The following LRFN5 variants were observed in gnomAD, a reference collection of about 807,000 sequenced individuals.
LRFN5 encodes leucine-rich repeat and fibronectin type-III domain-containing protein 5.
Under a neutral mutation model 45.6 loss-of-function variants are expected in LRFN5, and 24 were observed. That is an observed-to-expected ratio of 0.53 (90% confidence interval 0.38 to 0.74). LRFN5 has a LOEUF of 0.74. Among genes scored for constraint, LRFN5 ranks in the 30% least tolerant of loss-of-function variants. The pLI, the probability that LRFN5 is intolerant of heterozygous loss-of-function variation, is 0.00. For missense variants in LRFN5, 776 were observed against 861.5 expected, an observed-to-expected ratio of 0.90 and a Z score of 1.24; for synonymous variants, 340 against 313.8, an observed-to-expected ratio of 1.08 and a Z score of -0.88.
At chr14:41,727,260 G>T (rs1244495926) in intron 1 of LRFN5, among the ~76,000 whole-genome samples, 1 of 152,150 alleles carries the variant, frequency 6.6e-6, no homozygotes, top group East Asian at 1.9e-4. Context: ...TTAAACGACA[G>T]TTAGTATTAA....
chr14:41,657,832 A>G (rs1880451096), intron 1 of LRFN5, among the ~76,000 whole-genome samples: 1 of 151,940 alleles, frequency 6.6e-6, no homozygotes, highest in African/African-American at 2.4e-5. Context: ...TATATTTGGC[A>G]TAAGGAATAT....
At chr14:41,638,212 G>A (rs1246362546) in intron 1 of LRFN5, among the ~76,000 whole-genome samples, 1 of 151,874 alleles carries the variant, frequency 6.6e-6, no homozygotes, top group Non-Finnish European at 1.5e-5. Flanking sequence ...CATTAGTAGT[G>A]AGGACTTTGA....
chr14:41,687,161 T>A (rs1395592037), intron 1 of LRFN5, among the ~76,000 whole-genome samples: 1 of 152,004 alleles, frequency 6.6e-6, no homozygotes, highest in African/African-American at 2.4e-5. Flanking sequence ...TAAAAAAACA[T>A]CAAAAATGGT....
chr14:41,646,930 A>G (rs528304181), intron 1 of LRFN5, among the ~76,000 whole-genome samples: 39 of 152,338 alleles, frequency 2.6e-4, no homozygotes, highest in Non-Finnish European at 4.4e-4. Context: ...TCTTGAGCAT[A>G]TCTAAATTGA....
intron 1 of LRFN5, among the ~76,000 whole-genome samples, chr14:41,758,922 T>G (rs1184996699): frequency 6.6e-6 from 1 of 152,194 alleles, no homozygotes; most frequent in Non-Finnish European, 1.5e-5. Flanking sequence ...TTTGAATGTT[T>G]TTTACTATGT....
At chr14:41,869,506 T>G (rs971199174) in intron 2 of LRFN5, among the ~76,000 whole-genome samples, 8 of 152,072 alleles carry the variant, frequency 5.3e-5, no homozygotes, top group African/African-American at 1.9e-4. Context: ...AGCCTGGCGT[T>G]GTTGAAATAA....
At position 41,606,878 on chromosome 14, in the gene LRFN5, C is replaced by A. The variant is rs1887499889; in HGVS notation, c.-1881C>A. Among the ~76,000 whole-genome samples the A allele has an allele frequency of 1.3e-5, 2 of 151,884 alleles. No individual in the cohort carries two copies. Among genetic ancestry groups the A allele is most frequent in the African/African-American group, 4.8e-5 (2 of 41,402 alleles). ...CTCACGGCCGCGCGCCCGCCGCCGC[C>A]GCCGCCGCCGCCTTCATGCTGCAGC... On this transcript the variant is annotated 5_prime_UTR_variant, in exon 1 of 6. Transcript: ENST00000298119.
rs1880304566 is a variant in LRFN5, at chr14:41,654,886, G to A, written c.-197+46324G>A. On this transcript the variant is annotated intron_variant, in intron 1 of 5. Coordinates refer to ENST00000298119, the MANE Select transcript of LRFN5 (RefSeq NM_152447.5). The stretch of plus-strand genomic sequence containing the variant: ...TTTTTAGAGAGATACCACATGAACA[G>A]TAGTATAGTTAGTGGTTAGGTGCTA... 2.0e-5 allele frequency among the ~76,000 whole-genome samples: 3 copies of A among 152,046 alleles called. No homozygotes were observed. In the South Asian group the frequency reaches 6.2e-4, roughly 31 times the overall value.
chr14:41,735,462 G>A (rs377326474), intron 1 of LRFN5, among the ~76,000 whole-genome samples: 4 of 151,720 alleles, frequency 2.6e-5, no homozygotes, highest in Non-Finnish European at 4.4e-5. Flanking sequence ...AGCAGAGGAT[G>A]GGTCTCCCTA....
chr14:41,782,326 G>A (rs546841592), intron 2 of LRFN5, among the ~76,000 whole-genome samples: 1 of 151,686 alleles, frequency 6.6e-6, no homozygotes, highest in East Asian at 1.9e-4. Context: ...TTACTGTTGA[G>A]CCCATCAAAT....
intron 1 of LRFN5, among the ~76,000 whole-genome samples, chr14:41,655,964 T>A (rs1218793415): frequency 6.6e-6 from 1 of 152,052 alleles, no homozygotes; most frequent in Non-Finnish European, 1.5e-5. Flanking sequence ...GCTTATTAGT[T>A]ATTTTGCACT....
intron 2 of LRFN5, among the ~76,000 whole-genome samples, chr14:41,811,676 T>G (rs538083029): frequency 7.2e-5 from 11 of 152,190 alleles, no homozygotes; most frequent in Non-Finnish European, 1.2e-4. Flanking sequence ...GACTCCATAT[T>G]ATAAGATTCC....
intron 1 of LRFN5, among the ~76,000 whole-genome samples, chr14:41,697,678 A>T: frequency 6.8e-6 from 1 of 146,362 alleles, no homozygotes; most frequent in African/African-American, 2.5e-5. Flanking sequence ...TTGATAGGAG[A>T]GTTTCTTGTT....
chr14:41,721,118 T>G (rs545985690), intron 1 of LRFN5, among the ~76,000 whole-genome samples: 1 of 152,286 alleles, frequency 6.6e-6, no homozygotes, highest in South Asian at 2.1e-4. Flanking sequence ...TGATTTCAAC[T>G]GTTTGTCATT....
At chr14:41,689,106 T>C (rs1882253946) in intron 1 of LRFN5, among the ~76,000 whole-genome samples, 1 of 150,260 alleles carries the variant, frequency 6.7e-6, no homozygotes, top group African/African-American at 2.5e-5. Flanking sequence ...AAAATAATAA[T>C]AATAAATAAT....
chr14:41,780,852 G>A (rs985304558), intron 2 of LRFN5, among the ~76,000 whole-genome samples: 3 of 151,472 alleles, frequency 2.0e-5, no homozygotes, highest in East Asian at 1.9e-4. Flanking sequence ...TTTATAGTAC[G>A]GTTGCCCAAG....
At chr14:41,742,178 A>G (rs1206766383) in intron 1 of LRFN5, among the ~76,000 whole-genome samples, 1 of 151,746 alleles carries the variant, frequency 6.6e-6, no homozygotes, top group Non-Finnish European at 1.5e-5. Flanking sequence ...TAGCCAATGA[A>G]TCTGAAATCA....
chr14:41,632,013 C>G (rs1014627065), intron 1 of LRFN5, among the ~76,000 whole-genome samples: 1 of 151,866 alleles, frequency 6.6e-6, no homozygotes, highest in Admixed American at 6.6e-5. Context: ...TCTAATGACA[C>G]AAAGGAAAAA....
chr14:41,647,879 C>T (rs1428158138), intron 1 of LRFN5, among the ~76,000 whole-genome samples: 1 of 152,082 alleles, frequency 6.6e-6, no homozygotes, highest in Non-Finnish European at 1.5e-5. Flanking sequence ...TTTTAAACAA[C>T]AGGAGAGACA....
Sources: allele counts gnomAD v4.1 joint callset (sites outside exome capture counted in the v4.1 genomes callset), GRCh38; gene constraint gnomAD v4.1.1; transcripts MANE v1.5; gene names NCBI Gene and HGNC (gene_info 2026-07-23, HGNC 2026-07-21).